MAML2: variants seen among roughly 807,000 people sequenced by gnomAD.
MAML2 encodes mastermind-like protein 2.
Under a neutral mutation model 96.1 loss-of-function variants are expected in MAML2, and 22 were observed. That is an observed-to-expected ratio of 0.23 (90% CI 0.16 to 0.33). The LOEUF is 0.33. Ranked by LOEUF, MAML2 falls within the 10% of genes least tolerant of loss-of-function variation. The pLI is 1.00. For missense variants in MAML2, 1,367 were observed against 1,392.4 expected, an observed-to-expected ratio of 0.98 and a Z score of 0.29; for synonymous variants, 561 against 521.3, an observed-to-expected ratio of 1.08 and a Z score of -1.04.
chr11:96,262,517 G>C (rs1207543608), intron 1 of MAML2, among the ~76,000 whole-genome samples: 1 of 151,380 alleles, frequency 6.6e-6, no homozygotes, highest in Non-Finnish European at 1.5e-5. Context: ...GCCCGGGCTG[G>C]AGTGCAGTGG....
chr11:96,309,874 A>AT (rs570456456), intron 1 of MAML2, among the ~76,000 whole-genome samples: 299 of 150,310 alleles, frequency 2.0e-3, no homozygotes, highest in Admixed American at 4.6e-3. Flanking sequence ...TAATTTATAC[A>AT]TTTTTTTTTG....
intron 2 of MAML2, among the ~76,000 whole-genome samples, chr11:96,088,779 A>G (rs1435885606): frequency 6.6e-6 from 1 of 152,178 alleles, no homozygotes; most frequent in Non-Finnish European, 1.5e-5. Flanking sequence ...ATTTACCTGT[A>G]GGAAAATAGA....
chr11:96,085,979 TA>T (rs371851953), intron 2 of MAML2, among the ~76,000 whole-genome samples: 3 of 152,330 alleles, frequency 2.0e-5, no homozygotes, highest in Admixed American at 2.0e-4. Flanking sequence ...TGTGAAAGGT[TA>T]AAAAACATGT....
At chr11:96,009,030 AG>A (rs1446911791) in intron 2 of MAML2, among the ~76,000 whole-genome samples, 3 of 152,168 alleles carry the variant, frequency 2.0e-5, no homozygotes, top group African/African-American at 7.2e-5. Flanking sequence ...CATTTGGGGA[AG>A]GTGTTATGTT....
chr11:96,223,824 G>T (rs942386995), intron 1 of MAML2, among the ~76,000 whole-genome samples: 4 of 152,036 alleles, frequency 2.6e-5, no homozygotes, highest in African/African-American at 9.7e-5. Context: ...ACACAATTGG[G>T]TTTTTTCCCA....
At chr11:96,303,059 G>C (rs946587281) in intron 1 of MAML2, among the ~76,000 whole-genome samples, 1 of 152,176 alleles carries the variant, frequency 6.6e-6, no homozygotes, top group Admixed American at 6.5e-5. Flanking sequence ...GAAAGATATT[G>C]CCAAAATGCT....
intron 1 of MAML2, among the ~76,000 whole-genome samples, chr11:96,166,079 G>GCT (rs761941249): frequency 9.5e-5 from 14 of 148,138 alleles, no homozygotes; most frequent in African/African-American, 2.2e-4. Flanking sequence ...CATTTCTCTC[G>GCT]CTCTCTCTCT....
chr11:96,266,095 C>T (rs181957423), intron 1 of MAML2, among the ~76,000 whole-genome samples: 70 of 152,258 alleles, frequency 4.6e-4, no homozygotes, highest in Non-Finnish European at 8.7e-4. Flanking sequence ...TAGACACTGC[C>T]CTGGTGTTGG....
intron 1 of MAML2, among the ~76,000 whole-genome samples, chr11:96,095,912 G>A (rs184980059): frequency 6.6e-6 from 1 of 152,218 alleles, no homozygotes; most frequent in African/African-American, 2.4e-5. Flanking sequence ...ATGATTTGCT[G>A]ACTCCTAATC....
At chr11:96,306,510 T>C (rs1238470378) in intron 1 of MAML2, among the ~76,000 whole-genome samples, 1 of 152,194 alleles carries the variant, frequency 6.6e-6, no homozygotes, top group Non-Finnish European at 1.5e-5. Context: ...TATGTATTAA[T>C]TTTTCATAAA....
intron 1 of MAML2, among the ~76,000 whole-genome samples, chr11:96,189,905 T>C (rs1195831553): frequency 1.3e-5 from 2 of 152,202 alleles, no homozygotes. Flanking sequence ...GAATTTTTCT[T>C]CTAAAGTTCA....
intron 1 of MAML2, among the ~76,000 whole-genome samples, chr11:96,159,404 A>ATTTTTTTTTT (rs1157893034): frequency 0.011 from 650 of 61,898 alleles, 96 homozygotes; most frequent in African/African-American, 0.028. Flanking sequence ...TAAACCACTG[A>ATTTTTTTTTT]TTCTTTTTTT....
intron 1 of MAML2, among the ~76,000 whole-genome samples, chr11:96,108,094 A>G (rs1860055208): frequency 6.6e-6 from 1 of 152,248 alleles, no homozygotes; most frequent in Non-Finnish European, 1.5e-5. Context: ...TGTGACTGGC[A>G]TCTGAAGTGA....
At chr11:96,147,568 C>A (rs1331461885) in intron 1 of MAML2, among the ~76,000 whole-genome samples, 3 of 152,232 alleles carry the variant, frequency 2.0e-5, no homozygotes, top group Admixed American at 2.0e-4. Context: ...CTTCCATGAG[C>A]AAAGGCTATG....
chr11:96,304,184 G>C (rs767936455), intron 1 of MAML2, among the ~76,000 whole-genome samples: 1 of 152,148 alleles, frequency 6.6e-6, no homozygotes, highest in African/African-American at 2.4e-5. Flanking sequence ...TACAGATTCT[G>C]AGGAGGGGAC....
At chr11:96,182,813 C>T (rs974142469) in intron 1 of MAML2, among the ~76,000 whole-genome samples, 4 of 152,052 alleles carry the variant, frequency 2.6e-5, no homozygotes, top group African/African-American at 9.7e-5. Context: ...TGTTTGCTCT[C>T]GCTGGAGAAG....
intron 1 of MAML2, among the ~76,000 whole-genome samples, chr11:96,184,244 C>A (rs905252840): frequency 6.6e-6 from 1 of 152,126 alleles, no homozygotes; most frequent in Admixed American, 6.5e-5. Flanking sequence ...AGTTCGAGAC[C>A]AGCCTGACCA....
chr11:96,162,736 G>T (rs1591048327), intron 1 of MAML2, among the ~76,000 whole-genome samples: 1 of 150,018 alleles, frequency 6.7e-6, no homozygotes, highest in Admixed American at 6.6e-5. Context: ...AAAAAAGGAA[G>T]TTAATAAAAA....
chr11:96,148,025 C>T (rs1860848253), intron 1 of MAML2, among the ~76,000 whole-genome samples: 1 of 152,158 alleles, frequency 6.6e-6, no homozygotes, highest in Non-Finnish European at 1.5e-5. Flanking sequence ...AGAAATATAT[C>T]TCTGTCCAAT....
Sources: gnomAD v4.1 joint callset for allele counts (sites outside exome capture counted in the v4.1 genomes callset) on GRCh38, gnomAD v4.1.1 for gene constraint, MANE v1.5 for transcripts, NCBI Gene and HGNC (gene_info 2026-07-23, HGNC 2026-07-21) for gene names.